The following CADPS variants were observed in gnomAD, a reference collection of about 807,000 sequenced individuals.
The protein encoded by CADPS is calcium dependent secretion activator, also known as calcium-dependent secretion activator 1.
Under a neutral mutation model 167.3 loss-of-function variants are expected in CADPS, and 57 were observed. The ratio of observed to expected loss-of-function variants is 0.34; its 90% confidence interval spans 0.28 to 0.42. The LOEUF (loss-of-function observed/expected upper bound fraction) is 0.42, where lower values mean the gene tolerates loss of function less well. Ranked by LOEUF, CADPS falls within the 20% of genes least tolerant of loss-of-function variation. The pLI, the probability that CADPS is intolerant of heterozygous loss-of-function variation, is 1.00. For missense variants in CADPS, 1,414 were observed against 1,738.1 expected (o/e 0.81, Z 3.32); for synonymous variants, 676 against 635.3 (o/e 1.06, Z -0.96).
chr3:62,773,595 G>A (rs1011672777), intron 1 of CADPS, among the ~76,000 whole-genome samples: 2 of 152,034 alleles, frequency 1.3e-5, no homozygotes, highest in African/African-American at 4.8e-5. Context: ...TCCTCCCCAT[G>A]TACTAACTGT....
At position 62,667,552 on chromosome 3, in the gene CADPS, G is replaced by T. The variant is rs564010903; in HGVS notation, c.889-5158C>A. On this transcript the variant is annotated intron_variant, in intron 3 of 29. Coordinates refer to ENST00000383710, the MANE Select transcript of CADPS (RefSeq NM_003716.4). ...ATTCTAGGGAATATCAGTCCTGCAGGTTCTCTAGATCCTCGATGGGAAAGG... is the reference window on the plus strand; with the variant it reads ...ATTCTAGGGAATATCAGTCCTGCAGTTTCTCTAGATCCTCGATGGGAAAGG... 2.6e-5 allele frequency among the ~76,000 whole-genome samples: 4 copies of T among 152,144 alleles called. No homozygotes were observed. The South Asian group carries it at 8.3e-4, about 32-fold the overall frequency.
At chr3:62,608,807 T>C (rs1026395085) in intron 6 of CADPS, among the ~76,000 whole-genome samples, 2 of 152,140 alleles carry the variant, frequency 1.3e-5, no homozygotes, top group African/African-American at 4.8e-5. Context: ...ATTTTTCCTC[T>C]GAAATAATAA....
rs189995136 is a variant in CADPS, at chr3:62,674,753, A to G, written c.889-12359T>C. On this transcript the variant is annotated intron_variant, in intron 3 of 29. Transcript: ENST00000383710. ...GCATTGTGTGCAAATGCACAAAGGTATCAGGGGTATCATCTACTTTAACAC... is the reference window on the plus strand; with the variant it reads ...GCATTGTGTGCAAATGCACAAAGGTGTCAGGGGTATCATCTACTTTAACAC... Among the ~76,000 whole-genome samples, 222 of 152,296 alleles carry G rather than the reference A, an allele frequency of 1.5e-3. 3 individuals are homozygous for G. The highest frequency in any genetic ancestry group is 1.4e-3 in the Non-Finnish European group (97 of 68,022).
At chr3:62,821,069 G>T (rs543986612) in intron 1 of CADPS, among the ~76,000 whole-genome samples, 1 of 152,228 alleles carries the variant, frequency 6.6e-6, no homozygotes, top group East Asian at 1.9e-4. Flanking sequence ...AAAGTGCTGG[G>T]ATTACAGGCG....
chr3:62,500,193 T>C (rs918164524), intron 17 of CADPS: 6 of 152,266 alleles, frequency 3.9e-5, no homozygotes, highest in East Asian at 1.9e-4. Flanking sequence ...ATTTATTCTG[T>C]TGCCCAGGCT....
chr3:62,429,619 G>A (rs2053521599), intron 28 of CADPS, among the ~76,000 whole-genome samples: 1 of 151,838 alleles, frequency 6.6e-6, no homozygotes, highest in South Asian at 2.1e-4. Flanking sequence ...GTGTTTGTGT[G>A]TGTGTGTGTG....
intron 1 of CADPS, among the ~76,000 whole-genome samples, chr3:62,842,730 G>A (rs1325207759): frequency 1.3e-5 from 2 of 152,150 alleles, no homozygotes; most frequent in Non-Finnish European, 2.9e-5. Context: ...AGGTGATAGA[G>A]AGCCAGAATC....
At chr3:62,721,118 G>GGTTTTTTTTTTTTTT (rs2075713256) in intron 3 of CADPS, among the ~76,000 whole-genome samples, 1 of 120,354 alleles carries the variant, frequency 8.3e-6, no homozygotes, top group Non-Finnish European at 1.7e-5. Context: ...TGCCCGGCAG[G>GGTTTTTTTTTTTTTT]TTTTTTTTTT....
At chr3:62,706,818 C>A (rs1415393994) in intron 3 of CADPS, among the ~76,000 whole-genome samples, 1 of 151,964 alleles carries the variant, frequency 6.6e-6, no homozygotes, top group African/African-American at 2.4e-5. Context: ...AAGACAATAT[C>A]CAAGAGTGGA....
chr3:62,474,170 T>TTTTTTTTTTTTTTTA lies in CADPS; in HGVS notation c.3477+2_3477+3insTAAAAAAAAAAAAAA, dbSNP rs1553783974. On this transcript the variant is annotated splice_region_variant and intron_variant, in intron 24 of 29. Coordinates refer to ENST00000383710, the MANE Select transcript of CADPS (RefSeq NM_003716.4). ...AAATCTGTATTTTTTTTTTTTTTTT[T>TTTTTTTTTTTTTTTA]ACCTCTTGGCCCATTTCCATGCTGC... 1.6e-4 allele frequency: 240 copies of TTTTTTTTTTTTTTTA among 1,475,268 alleles called. No homozygotes were observed. Among genetic ancestry groups the TTTTTTTTTTTTTTTA allele is most frequent in the Non-Finnish European group, 2.0e-4 (225 of 1,105,610 alleles). The allele number at this position is 1,475,268 out of a possible 1,614,324, so 91.4% of individuals were successfully genotyped here. A position where few individuals can be genotyped will look rare whatever the true frequency, so the allele number is the denominator to read the frequency against.
intron 1 of CADPS, among the ~76,000 whole-genome samples, chr3:62,797,408 C>T (rs1461864171): frequency 3.3e-5 from 5 of 151,984 alleles, no homozygotes; most frequent in Admixed American, 6.6e-5. Flanking sequence ...GAATAATGAA[C>T]GAATTATCCA....
At chr3:62,424,866 T>C (rs1368550420) in intron 28 of CADPS, among the ~76,000 whole-genome samples, 1 of 152,202 alleles carries the variant, frequency 6.6e-6, no homozygotes. Flanking sequence ...CCTGACAAAC[T>C]ACACAAGATA....
chr3:62,642,607 C>T (rs976964563), intron 6 of CADPS, among the ~76,000 whole-genome samples: 2 of 152,150 alleles, frequency 1.3e-5, no homozygotes, highest in African/African-American at 4.8e-5. Context: ...GTTCATGCTA[C>T]CAGATAAAAC....
At chr3:62,784,723 A>G (rs2092221783) in intron 1 of CADPS, among the ~76,000 whole-genome samples, 1 of 150,192 alleles carries the variant, frequency 6.7e-6, no homozygotes, top group Admixed American at 6.7e-5. Flanking sequence ...TCCAAGAAAA[A>G]TGATCTAGTA....
chr3:62,440,124 T>C (rs2056002191), intron 27 of CADPS: 1 of 152,230 alleles, frequency 6.6e-6, no homozygotes, highest in Non-Finnish European at 1.5e-5. Context: ...TGTTTTCTAT[T>C]GCATCCCCAG....
intron 21 of CADPS, among the ~76,000 whole-genome samples, chr3:62,486,890 A>G (rs1011094802): frequency 2.0e-5 from 3 of 152,204 alleles, no homozygotes; most frequent in African/African-American, 4.8e-5. Flanking sequence ...CATGTAGATT[A>G]AGGAGAGGTT....
intron 2 of CADPS, among the ~76,000 whole-genome samples, chr3:62,758,305 A>G (rs2084500726): frequency 6.6e-6 from 1 of 152,218 alleles, no homozygotes; most frequent in South Asian, 2.1e-4. Flanking sequence ...CAACTGCCAG[A>G]TCCCAGAAAG....
intron 1 of CADPS, among the ~76,000 whole-genome samples, chr3:62,783,037 G>A (rs988452405): frequency 6.6e-5 from 10 of 152,182 alleles, no homozygotes; most frequent in Admixed American, 1.3e-4. Context: ...TGGGATTACA[G>A]GCGTGAGCCA....
At chr3:62,754,785 T>G (rs1215956893) in intron 2 of CADPS, among the ~76,000 whole-genome samples, 2 of 152,236 alleles carry the variant, frequency 1.3e-5, no homozygotes, top group Admixed American at 1.3e-4. Flanking sequence ...TTACACTTGT[T>G]GCTGTTATTA....
Sources: gnomAD v4.1 joint callset for allele counts (sites outside exome capture counted in the v4.1 genomes callset) on GRCh38, gnomAD v4.1.1 for gene constraint, MANE v1.5 for transcripts, NCBI Gene and HGNC (gene_info 2026-07-23, HGNC 2026-07-21) for gene names.